Variants in HECTD4 observed in about 807,000 individuals in gnomAD.
HECTD4 encodes the protein HECT domain E3 ubiquitin protein ligase 4.
In HECTD4, 114 loss-of-function variants were observed where a neutral mutation model predicts 471.5. That is an observed-to-expected ratio of 0.24 (90% confidence interval 0.21 to 0.28). The LOEUF is 0.28. Ranked by LOEUF, HECTD4 falls within the 10% of genes least tolerant of loss-of-function variation. HECTD4 has a pLI of 1.00. For synonymous variants in HECTD4, 2,012 were observed against 2,256.0 expected (o/e 0.89, Z 3.07); for missense variants, 3,866 against 5,651.5 (o/e 0.68, Z 10.13).
chr12:112,259,200 GT>G lies in HECTD4; in HGVS notation c.2938del (p.Thr980ProfsTer3). ...MLGHLLPVLL[T>X]SLMHPNLQTL... ...CTGTAAATTTGGATGCATCAAGGAG[GT>G]CAGTAACACTGGAAGAAGGTGACCA... On this transcript the variant is annotated frameshift_variant, in exon 19 of 76. Transcript: ENST00000682272. LOFTEE classifies it high-confidence loss of function. The G allele has an allele frequency of 6.2e-7, 1 of 1,613,894 alleles. No homozygotes were observed. The highest frequency in any genetic ancestry group is 8.5e-7 in the Non-Finnish European group (1 of 1,179,808).
In HECTD4 at chr12:112,258,591, C is replaced by T. The variant is rs752347793; in HGVS notation, c.3033G>A (p.Ala1011=). 64 of 1,597,324 alleles carry T rather than the reference C, an allele frequency of 4.0e-5. No individual in the cohort carries two copies. Among genetic ancestry groups the T allele is most frequent in the Non-Finnish European group, 4.8e-5 (56 of 1,173,952 alleles). The change falls in exon 20 of 76, where the codon GCG becomes GCA. Residue 1011 remains alanine, a synonymous_variant. Coordinates refer to ENST00000682272, the MANE Select transcript of HECTD4 (RefSeq NM_001388303.1). ...VQLVLYTSQT[A]LLLKTQCPVF... is the part of the protein sequence containing the mutation. ...CCGGACACTGGGTTTTAAGCAGCAA[C>T]GCCGTCTGAAACACAAAACCATCAT...
chr12:112,192,663 G>A lies in HECTD4; in HGVS notation c.9189C>T (p.Tyr3063=). ...TGTTGGCTGGGGACGCGTCCCGCGG[G>A]TAACAGGCGGCCTCGATGAGGTTCA... ...GQLNLIEAAC[Y]PRDASPANTG... The change falls in exon 59 of 76, where the codon TAC becomes TAT. Residue 3063 remains tyrosine, a synonymous_variant. Transcript: ENST00000682272. 1 of 1,606,270 alleles carries A rather than the reference G, an allele frequency of 6.2e-7. No individual in the cohort carries two copies. The highest frequency in any genetic ancestry group is 8.5e-7 in the Non-Finnish European group (1 of 1,176,800).
chr12:112,222,532 T>C (rs1468726992), intron 44 of HECTD4, among the ~76,000 whole-genome samples: 3 of 152,162 alleles, frequency 2.0e-5, no homozygotes, highest in Non-Finnish European at 1.5e-5. Context: ...CCACGTGTGG[T>C]GGCAGGCACC....
intron 61 of HECTD4, 83 bp from the exon 62 acceptor site, chr12:112,183,349 C>T (rs2031744738): frequency 1.9e-6 from 2 of 1,054,698 alleles, no homozygotes; most frequent in Admixed American, 3.7e-5. Flanking sequence ...CCCACCTTTT[C>T]CTGGAAACCC....
At chr12:112,362,953 G>T (rs2036481670) in intron 1 of HECTD4, among the ~76,000 whole-genome samples, 1 of 152,026 alleles carries the variant, frequency 6.6e-6, no homozygotes, top group Admixed American at 6.6e-5. Flanking sequence ...CCAACTGTCT[G>T]GGCCTCCCCA....
intron 1 of HECTD4, among the ~76,000 whole-genome samples, chr12:112,348,138 A>C (rs573454615): frequency 6.6e-6 from 1 of 152,326 alleles, no homozygotes; most frequent in East Asian, 1.9e-4. Context: ...AAATTTAATC[A>C]AATCGCTGCA....
At chr12:112,220,474 G>C (rs368896761) in intron 44 of HECTD4, among the ~76,000 whole-genome samples, 10 of 152,140 alleles carry the variant, frequency 6.6e-5, no homozygotes, top group East Asian at 1.9e-4. Context: ...CGAGCATCCA[G>C]AAAGGCTTAA....
At chr12:112,317,626 C>T (rs1370282962) in intron 2 of HECTD4, among the ~76,000 whole-genome samples, 1 of 152,148 alleles carries the variant, frequency 6.6e-6, no homozygotes, top group African/African-American at 2.4e-5. Context: ...TTCTTTCTCA[C>T]AAACAGATGC....
chr12:112,237,291 G>A (rs534162923), intron 34 of HECTD4, among the ~76,000 whole-genome samples, 193 bp from the exon 35 acceptor site: 1 of 152,110 alleles, frequency 6.6e-6, no homozygotes, highest in African/African-American at 2.4e-5. Context: ...AATGTGGGGG[G>A]TAGACATTAC....
intron 1 of HECTD4, among the ~76,000 whole-genome samples, chr12:112,341,374 C>G (rs2036051805): frequency 6.6e-6 from 1 of 152,214 alleles, no homozygotes; most frequent in African/African-American, 2.4e-5. Context: ...ACCTGTGCCT[C>G]TAAACCTGTG....
At chr12:112,296,498 G>A (rs547674510) in intron 7 of HECTD4, among the ~76,000 whole-genome samples, 2 of 151,586 alleles carry the variant, frequency 1.3e-5, no homozygotes, top group East Asian at 1.9e-4. Flanking sequence ...TGTAGGTGCA[G>A]TAGATATAGG....
chr12:112,168,556 A>G (rs914002266), intron 70 of HECTD4, among the ~76,000 whole-genome samples: 21 of 152,068 alleles, frequency 1.4e-4, no homozygotes, highest in Non-Finnish European at 4.4e-5. Context: ...CTGTGCCCAC[A>G]CCCTGCTTGG....
chr12:112,214,220 C>G (rs2032847784), intron 48 of HECTD4, among the ~76,000 whole-genome samples: 1 of 152,080 alleles, frequency 6.6e-6, no homozygotes, highest in Non-Finnish European at 1.5e-5. Context: ...CTTACAGAAC[C>G]AAGAGAAGCC....
intron 32 of HECTD4, among the ~76,000 whole-genome samples, chr12:112,240,311 G>A (rs1205198710): frequency 2.0e-5 from 3 of 152,186 alleles, no homozygotes; most frequent in Admixed American, 6.5e-5. Flanking sequence ...TTCAGTAAGG[G>A]TAAAGCGAAT....
intron 1 of HECTD4, among the ~76,000 whole-genome samples, chr12:112,353,977 G>A (rs2036289417): frequency 1.3e-5 from 2 of 152,198 alleles, no homozygotes; most frequent in African/African-American, 4.8e-5. Context: ...GGAGGCAGAT[G>A]TAGGACAGTC....
chr12:112,212,864 C>T lies in HECTD4; in HGVS notation c.7466-214G>A, dbSNP rs556390096. ...AGGCTGGAGTACAGTGGTGCCATCT[C>T]GGCTCACTGCAACCTCTGCCTCCCA... On this transcript the variant is annotated intron_variant, in intron 48 of 75. Coordinates refer to ENST00000682272, the MANE Select transcript of HECTD4 (RefSeq NM_001388303.1). Among the ~76,000 whole-genome samples, 21 of 152,258 alleles carry T rather than the reference C, an allele frequency of 1.4e-4. 1 individual carries two copies. In the South Asian group the frequency reaches 2.7e-3, roughly 20 times the overall value.
chr12:112,241,269 G>A lies in HECTD4; in HGVS notation c.4959-1242C>T, dbSNP rs114668904. 7.4e-3 allele frequency among the ~76,000 whole-genome samples: 1,119 copies of A among 152,186 alleles called. 13 individuals are homozygous for A. The highest frequency in any genetic ancestry group is 0.026 in the African/African-American group (1,081 of 41,476). On this transcript the variant is annotated intron_variant, in intron 32 of 75. Coordinates refer to ENST00000682272, the MANE Select transcript of HECTD4 (RefSeq NM_001388303.1). ...TGGAGAAATTAAATTCTGGAAATAG[G>A]CTGTGGTAATCATTAGGGCTTTTCC...
In HECTD4 at chr12:112,378,594, C is replaced by T. The variant is rs142677547; in HGVS notation, c.177+3358G>A. Among the ~76,000 whole-genome samples, 560 of 152,156 alleles carry T rather than the reference C, an allele frequency of 3.7e-3. 2 individuals carry two copies. The highest frequency in any genetic ancestry group is 0.013 in the African/African-American group (532 of 41,522). ...AGTCATAATTAGTCAACTTGAGTCC[C>T]GTTCCTCATAATCCGAAAGTGTTAA... On this transcript the variant is annotated intron_variant, in intron 1 of 75. Coordinates refer to ENST00000682272, the MANE Select transcript of HECTD4 (RefSeq NM_001388303.1).
In HECTD4 at chr12:112,172,909, C is replaced by T. The variant is rs745747795; in HGVS notation, c.11595-48G>A. ...AGGGGCAAAGTGAGGCAGGGCACAC[C>T]GGGATGACTGTTGCATTTCTCTTAC... On this transcript the variant is annotated intron_variant, in intron 66 of 75. Transcript: ENST00000682272. 3.8e-5 allele frequency: 58 copies of T among 1,526,810 alleles called. No homozygotes were observed. The East Asian group carries it at 6.8e-4, about 18-fold the overall frequency. The allele number at this position is 1,526,810 out of a possible 1,614,324, so 94.6% of individuals were successfully genotyped here.
Sources: gnomAD v4.1 joint callset for allele counts (sites outside exome capture counted in the v4.1 genomes callset) on GRCh38, gnomAD v4.1.1 for gene constraint, MANE v1.5 for transcripts, NCBI Gene and HGNC (gene_info 2026-07-23, HGNC 2026-07-21) for gene names.